OPRM1: variants seen among roughly 807,000 people sequenced by gnomAD.
OPRM1 encodes mu-type opioid receptor.
Under a neutral mutation model 31.8 loss-of-function variants are expected in OPRM1, and 27 were observed. The ratio of observed to expected loss-of-function variants is 0.85; its 90% CI spans 0.63 to 1.17. The LOEUF is 1.17. Ranked by LOEUF, OPRM1 falls within the 50% of genes most tolerant of loss-of-function variation. The probability of loss-of-function intolerance (pLI) is 0.00; values close to 1 mark genes in which losing one functional copy is unlikely to be tolerated. For synonymous variants in OPRM1, 196 were observed against 189.9 expected (o/e 1.03, Z -0.26); for missense variants, 536 against 511.1 (o/e 1.05, Z -0.47).
intron 3 of OPRM1, among the ~76,000 whole-genome samples, chr6:154,186,538 A>G (rs1801365611): frequency 6.6e-6 from 1 of 151,862 alleles, no homozygotes; most frequent in African/African-American, 2.4e-5. Flanking sequence ...ACGGAGCCAG[A>G]GCAGCTCCTT....
At chr6:154,171,410 G>C (rs1799859104) in intron 3 of OPRM1, among the ~76,000 whole-genome samples, 2 of 152,104 alleles carry the variant, frequency 1.3e-5, no homozygotes, top group Admixed American at 1.3e-4. Flanking sequence ...GAAATGTCCA[G>C]ATTAGATGAA....
intron 3 of OPRM1, among the ~76,000 whole-genome samples, chr6:154,237,913 T>C (rs1780266674): frequency 6.6e-6 from 1 of 152,216 alleles, no homozygotes; most frequent in Non-Finnish European, 1.5e-5. Context: ...ATTCAATATA[T>C]ATCAATTTAT....
chr6:154,221,823 G>A (rs1054104164), intron 3 of OPRM1, among the ~76,000 whole-genome samples: 3 of 152,120 alleles, frequency 2.0e-5, no homozygotes, highest in African/African-American at 7.2e-5. Context: ...GCAGTGAGCC[G>A]AGATCATGCC....
intron 1 of OPRM1, among the ~76,000 whole-genome samples, chr6:154,045,705 G>C (rs1206227122): frequency 6.6e-6 from 1 of 152,222 alleles, no homozygotes. Flanking sequence ...CACCTTGGCT[G>C]CATCTAAATC....
chr6:154,091,926 G>T, intron 3 of OPRM1: 1 of 987,020 alleles, frequency 1.0e-6, no homozygotes, highest in Non-Finnish European at 1.2e-6. Context: ...TGTGGTCATG[G>T]ATGCAAGATA....
At position 154,130,670 on chromosome 6, in the gene OPRM1, A is replaced by T. The variant is rs1382033984; in HGVS notation, c.*11949A>T. 1.3e-5 allele frequency among the ~76,000 whole-genome samples: 2 copies of T among 152,150 alleles called. No individual in the cohort carries two copies. Among genetic ancestry groups the T allele is most frequent in the African/African-American group, 2.4e-5 (1 of 41,520 alleles). On this transcript the variant is annotated 3_prime_UTR_variant, in exon 4 of 4. Transcript: ENST00000330432. The stretch of plus-strand genomic sequence containing the variant: ...ATATACTAATTGTATATCCATATAA[A>T]AGCATTAGTACCATTATATGAAAGT...
intron 1 of OPRM1, among the ~76,000 whole-genome samples, chr6:154,070,894 A>T (rs1017932864): frequency 6.6e-6 from 1 of 152,202 alleles, no homozygotes; most frequent in Non-Finnish European, 1.5e-5. Context: ...AGTTGGTATG[A>T]CTCAGGAATC....
intron 3 of OPRM1, among the ~76,000 whole-genome samples, chr6:154,106,380 C>G (rs1055234843): frequency 3.3e-5 from 5 of 152,304 alleles, no homozygotes; most frequent in Middle Eastern, 3.4e-3. Context: ...ACACTCCAGG[C>G]AGAAGTGCAG....
intron 3 of OPRM1, among the ~76,000 whole-genome samples, chr6:154,219,806 CT>C (rs1778706837): frequency 6.6e-6 from 1 of 152,040 alleles, no homozygotes; most frequent in South Asian, 2.1e-4. Flanking sequence ...TAAATCAAAG[CT>C]TTGTTTGGAA....
chr6:154,072,310 G>T (rs1786955748), intron 1 of OPRM1, among the ~76,000 whole-genome samples: 2 of 152,126 alleles, frequency 1.3e-5, no homozygotes, highest in South Asian at 4.1e-4. Context: ...GCAGATTGAA[G>T]GTGGTCTCTG....
At position 154,141,887 on chromosome 6, in the gene OPRM1, T is replaced by C. The variant is rs77353743; in HGVS notation, c.1164+50415T>C. On this transcript the variant is annotated intron_variant, in intron 3 of 3. Coordinates refer to the OPRM1 transcript ENST00000337049. ...GAATTTTCCTTTTACCTTAGTGATTTCAAGGCCCAAGATATTTTCCTTTCA... is the reference window on the plus strand; with the variant it reads ...GAATTTTCCTTTTACCTTAGTGATTCCAAGGCCCAAGATATTTTCCTTTCA... 7.6e-3 allele frequency among the ~76,000 whole-genome samples: 1,157 copies of C among 152,318 alleles called. 21 individuals are homozygous for C. The highest frequency in any genetic ancestry group is 0.026 in the African/African-American group (1,091 of 41,558).
chr6:154,083,805 T>A (rs977081133), intron 1 of OPRM1: 4 of 151,970 alleles, frequency 2.6e-5, no homozygotes, highest in Non-Finnish European at 5.9e-5. Context: ...TTAGCCGGGC[T>A]TGGTGGCGGA....
At chr6:154,042,076 C>A (rs1385196682) in intron 1 of OPRM1, among the ~76,000 whole-genome samples, 1 of 152,080 alleles carries the variant, frequency 6.6e-6, no homozygotes, top group East Asian at 1.9e-4. Context: ...ATGCTTTATT[C>A]TCGGTACTGA....
chr6:154,199,835 G>A (rs41292900), intron 3 of OPRM1: 10 of 1,614,128 alleles, frequency 6.2e-6, no homozygotes, highest in African/African-American at 4.0e-5. Flanking sequence ...TGAGGGTACA[G>A]GTGAATGAAC....
intron 3 of OPRM1, among the ~76,000 whole-genome samples, chr6:154,215,509 G>C (rs954161304): frequency 5.3e-5 from 8 of 152,090 alleles, no homozygotes; most frequent in Non-Finnish European, 1.2e-4. Flanking sequence ...GGGAGTCTGA[G>C]GCAGGAGAAT....
At chr6:154,183,616 T>C (rs746305935) in intron 3 of OPRM1, among the ~76,000 whole-genome samples, 5 of 152,094 alleles carry the variant, frequency 3.3e-5, no homozygotes, top group African/African-American at 4.8e-5. Context: ...AAAAGAAAGA[T>C]TGGGCTGGGT....
At chr6:154,043,802 C>T (rs1339036464) in intron 1 of OPRM1, among the ~76,000 whole-genome samples, 1 of 152,034 alleles carries the variant, frequency 6.6e-6, no homozygotes, top group Non-Finnish European at 1.5e-5. Flanking sequence ...ATGCCTTTCA[C>T]TTAGTAAGGG....
intron 1 of OPRM1, among the ~76,000 whole-genome samples, chr6:154,056,980 G>A (rs1348984716): frequency 2.0e-5 from 3 of 152,172 alleles, no homozygotes; most frequent in East Asian, 1.9e-4. Context: ...AAAGCAGATA[G>A]CATTAATTGA....
At chr6:154,154,134 G>A (rs1798620241) in intron 3 of OPRM1, among the ~76,000 whole-genome samples, 1 of 152,192 alleles carries the variant, frequency 6.6e-6, no homozygotes, top group Non-Finnish European at 1.5e-5. Context: ...AATGAAAACT[G>A]TGTGTGTAGA....
Sources: allele counts gnomAD v4.1 joint callset (sites outside exome capture counted in the v4.1 genomes callset), GRCh38; gene constraint gnomAD v4.1.1; transcripts MANE v1.5; gene names NCBI Gene and HGNC (gene_info 2026-07-23, HGNC 2026-07-21).